Variants in PPM1H observed in about 807,000 individuals in gnomAD.
PPM1H encodes protein phosphatase, Mg2+/Mn2+ dependent 1H, also known as protein phosphatase 1H.
A neutral mutation model predicts 54.9 loss-of-function variants in PPM1H; 27 were observed. The ratio of observed to expected loss-of-function variants is 0.49; its 90% CI spans 0.36 to 0.68. The LOEUF is 0.68. Ranked by LOEUF, PPM1H falls within the 30% of genes least tolerant of loss-of-function variation. The pLI is 0.00. For synonymous variants in PPM1H, 305 were observed against 270.8 expected (o/e 1.13, Z -1.24); for missense variants, 596 against 667.8 (o/e 0.89, Z 1.19).
chr12:62,733,485 C>T (rs1298596700), intron 5 of PPM1H, among the ~76,000 whole-genome samples: 1 of 152,158 alleles, frequency 6.6e-6, no homozygotes, highest in African/African-American at 2.4e-5. Flanking sequence ...TCTCGAACTC[C>T]TGACCTTGTG....
At chr12:62,744,088 T>C (rs2120549128) in intron 4 of PPM1H, among the ~76,000 whole-genome samples, 2 of 150,414 alleles carry the variant, frequency 1.3e-5, no homozygotes, top group South Asian at 4.2e-4. Context: ...GGGCAAAGAC[T>C]GGAAACAGCC....
At chr12:62,657,645 T>C (rs182253632) in intron 9 of PPM1H, among the ~76,000 whole-genome samples, 1 of 152,366 alleles carries the variant, frequency 6.6e-6, no homozygotes, top group African/African-American at 2.4e-5. Context: ...CCTTTTTGCA[T>C]TTAAGGCATA....
intron 2 of PPM1H, among the ~76,000 whole-genome samples, chr12:62,826,588 T>C (rs956588868): frequency 5.9e-5 from 9 of 152,222 alleles, no homozygotes; most frequent in Non-Finnish European, 2.9e-5. Flanking sequence ...ATTCCTATAA[T>C]ACTGTTTTCA....
chr12:62,683,024 A>G, intron 8 of PPM1H, among the ~76,000 whole-genome samples: 1 of 141,674 alleles, frequency 7.1e-6, no homozygotes, highest in Admixed American at 7.4e-5. Context: ...CATTTGGGAG[A>G]GTTTATTATT....
At chr12:62,929,802 C>A (rs1271433865) in intron 1 of PPM1H, among the ~76,000 whole-genome samples, 2 of 152,150 alleles carry the variant, frequency 1.3e-5, no homozygotes, top group African/African-American at 4.8e-5. Flanking sequence ...ATACCTTTTG[C>A]AAGTCACCAG....
intron 6 of PPM1H, among the ~76,000 whole-genome samples, chr12:62,718,574 T>C (rs759787861): frequency 6.6e-5 from 10 of 152,062 alleles, no homozygotes; most frequent in Non-Finnish European, 1.5e-4. Flanking sequence ...CTGTCTCCCA[T>C]AGTCTCTCCT....
intron 1 of PPM1H, among the ~76,000 whole-genome samples, chr12:62,933,089 G>A (rs1360417632): frequency 1.3e-5 from 2 of 151,688 alleles, no homozygotes; most frequent in Non-Finnish European, 2.9e-5. Context: ...TTGTACCTTC[G>A]CCACCCACAA....
In PPM1H at chr12:62,871,295, G is replaced by A. The variant is rs896593570; in HGVS notation, c.246-39016C>T. Among the ~76,000 whole-genome samples, 7 of 150,332 alleles carry A rather than the reference G, an allele frequency of 4.7e-5. No homozygotes were observed. The South Asian group carries it at 8.5e-4, about 18-fold the overall frequency. ...GTGAAAGAAGCTAGACAAAAAAAAC[G>A]ATGTTATATGAGTCTATTTATATGA... is the stretch of plus-strand genomic sequence containing the variant. On this transcript the variant is annotated intron_variant, in intron 1 of 9. Coordinates refer to ENST00000228705, the MANE Select transcript of PPM1H (RefSeq NM_020700.2).
chr12:62,881,650 G>T (rs1870399070), intron 1 of PPM1H, among the ~76,000 whole-genome samples: 1 of 152,036 alleles, frequency 6.6e-6, no homozygotes, highest in African/African-American at 2.4e-5. Flanking sequence ...GTAGCTACTT[G>T]TTCTGTTTCT....
intron 6 of PPM1H, among the ~76,000 whole-genome samples, chr12:62,717,354 T>C (rs1026504753): frequency 2.6e-5 from 4 of 152,170 alleles, no homozygotes; most frequent in African/African-American, 9.7e-5. Context: ...CCATTCTCAG[T>C]TGTGGCTCCT....
intron 6 of PPM1H, among the ~76,000 whole-genome samples, chr12:62,717,321 C>A (rs971670784): frequency 6.6e-6 from 1 of 152,324 alleles, no homozygotes; most frequent in African/African-American, 2.4e-5. Context: ...GAAAACAAAT[C>A]AGCAAATCAC....
At chr12:62,885,195 C>A (rs1592654309) in intron 1 of PPM1H, among the ~76,000 whole-genome samples, 1 of 152,266 alleles carries the variant, frequency 6.6e-6, no homozygotes, top group African/African-American at 2.4e-5. Flanking sequence ...CCCCCTGGGT[C>A]CCTCCCACAA....
intron 3 of PPM1H, among the ~76,000 whole-genome samples, chr12:62,798,341 T>C (rs1274303398): frequency 1.3e-5 from 2 of 152,122 alleles, no homozygotes; most frequent in South Asian, 4.1e-4. Flanking sequence ...GAACACAGAG[T>C]AGCTACCTGT....
rs563739205 is a variant in PPM1H, at chr12:62,925,434, C to T, written c.245+9058G>A. Reference sequence around the variant, plus strand: ...CCCTACTAAAAATACAAAAATTAGCCAGGCGTGGTGGCATGTGCCTGTAGT... The same window carrying T: ...CCCTACTAAAAATACAAAAATTAGCTAGGCGTGGTGGCATGTGCCTGTAGT... On this transcript the variant is annotated intron_variant, in intron 1 of 9. Transcript: ENST00000228705. Among the ~76,000 whole-genome samples, 3 of 152,220 alleles carry T rather than the reference C, an allele frequency of 2.0e-5. No homozygotes were observed. In the South Asian group the frequency reaches 6.2e-4, roughly 32 times the overall value.
chr12:62,736,392 C>A (rs1446685838), intron 5 of PPM1H, among the ~76,000 whole-genome samples: 1 of 152,156 alleles, frequency 6.6e-6, no homozygotes, highest in Non-Finnish European at 1.5e-5. Context: ...AGCCTGGATT[C>A]CCTAGTAGTG....
At chr12:62,848,343 C>T (rs964067076) in intron 1 of PPM1H, among the ~76,000 whole-genome samples, 2 of 152,140 alleles carry the variant, frequency 1.3e-5, no homozygotes, top group Non-Finnish European at 2.9e-5. Context: ...AAAACCAACA[C>T]CAAATCACCG....
chr12:62,897,690 T>C (rs976373947), intron 1 of PPM1H, among the ~76,000 whole-genome samples: 2 of 152,202 alleles, frequency 1.3e-5, no homozygotes, highest in East Asian at 3.9e-4. Flanking sequence ...AATCTACCTA[T>C]GACTTTGTGG....
chr12:62,685,349 C>A (rs777200057), intron 8 of PPM1H, among the ~76,000 whole-genome samples: 1 of 152,288 alleles, frequency 6.6e-6, no homozygotes, highest in Middle Eastern at 3.4e-3. Flanking sequence ...GACAAATGCA[C>A]CCTCATCAGA....
intron 4 of PPM1H, among the ~76,000 whole-genome samples, chr12:62,786,289 G>T (rs577220666): frequency 6.6e-6 from 1 of 152,362 alleles, no homozygotes; most frequent in South Asian, 2.1e-4. Flanking sequence ...AGCCCCTGAA[G>T]ACCATAGATT....
Sources: allele counts gnomAD v4.1 joint callset (sites outside exome capture counted in the v4.1 genomes callset), GRCh38; gene constraint gnomAD v4.1.1; transcripts MANE v1.5; gene names NCBI Gene and HGNC (gene_info 2026-07-23, HGNC 2026-07-21).